Variants in IFT122 observed in about 807,000 individuals in gnomAD.
IFT122 encodes the protein intraflagellar transport protein 122 homolog.
Under a neutral mutation model 161.6 loss-of-function variants are expected in IFT122, and 118 were observed. The observed-to-expected ratio is 0.73, with a 90% CI of 0.63 to 0.85. IFT122 has a LOEUF of 0.85. IFT122 is among the 40% of genes least tolerant of loss of function. IFT122 has a pLI of 0.00. For synonymous variants in IFT122, 550 were observed against 602.4 expected (o/e 0.91, Z 1.27); for missense variants, 1,381 against 1,579.6 (o/e 0.87, Z 2.13).
At chr3:129,447,071 T>A (rs963316779) in intron 1 of IFT122, among the ~76,000 whole-genome samples, 5 of 152,222 alleles carry the variant, frequency 3.3e-5, no homozygotes, top group Non-Finnish European at 7.3e-5. Context: ...TCTAGCAACA[T>A]CTTGCACATA....
rs1454598531 is a variant in IFT122 at position 129,490,196 on chromosome 3, G to A, written c.1992+1799G>A. Among the ~76,000 whole-genome samples, 9 of 152,226 alleles carry A rather than the reference G, an allele frequency of 5.9e-5. No individual in the cohort carries two copies. In the South Asian group the frequency reaches 1.2e-3, roughly 21 times the overall value. ...TATAGTTGAAAAGTAAGTGTATGTG[G>A]TATATATCTATTGTGTACAACATGC... On this transcript the variant is annotated intron_variant, in intron 16 of 29. Coordinates refer to ENST00000348417, the MANE Select transcript of IFT122 (RefSeq NM_052989.3).
chr3:129,467,037 A>C lies in IFT122; in HGVS notation c.711A>C (p.Glu237Asp). 2 of 1,614,122 alleles carry C rather than the reference A, an allele frequency of 1.2e-6. No homozygotes were observed. The highest frequency in any genetic ancestry group is 1.7e-6 in the Non-Finnish European group (2 of 1,180,020). Residue 237 changes from glutamate to aspartate, a missense_variant, in exon 8 of 30, where the codon GAA becomes GAC. This residue lies in a region of IFT122 where 544 missense variants were observed against 648.0 expected (regional missense o/e 0.84). Transcript: ENST00000348417. ...GSEAEEEEPEEEDDSPRDDNL... is the reference protein window; with the variant it reads ...GSEAEEEEPEDEDDSPRDDNL... ...AGGCAGAGGAGGAAGAACCAGAGGA[A>C]GAGGACGACAGTCCCAGGGACGACA...
chr3:129,452,845 G>T (rs1218886532), intron 3 of IFT122, among the ~76,000 whole-genome samples: 2 of 119,340 alleles, frequency 1.7e-5, no homozygotes, highest in Non-Finnish European at 4.4e-5. Context: ...CATCCAGACA[G>T]GGGGTGATGG....
Position 129,450,612 on chromosome 3 carries a change from AATCCAAACTCTAT to A in IFT122, c.108+676_108+688del, listed in dbSNP as rs375190200. 4.1e-3 allele frequency among the ~76,000 whole-genome samples: 624 copies of A among 152,286 alleles called. 5 individuals carry two copies. Among genetic ancestry groups the A allele is most frequent in the African/African-American group, 0.015 (607 of 41,562 alleles). On this transcript the variant is annotated intron_variant, in intron 2 of 29. Coordinates refer to ENST00000348417, the MANE Select transcript of IFT122 (RefSeq NM_052989.3). ...CTGCAGACTTCTCTCCAGTGTAAACAATCCAAACTCTATTAGTTTTTCTACATAGGTTATCTTT... is the reference window on the plus strand; with the variant it reads ...CTGCAGACTTCTCTCCAGTGTAAACATAGTTTTTCTACATAGGTTATCTTT...
intron 24 of IFT122, 150 bp from the exon 25 acceptor site, chr3:129,514,239 C>G: frequency 1.2e-6 from 1 of 838,478 alleles, no homozygotes; most frequent in Non-Finnish European, 2.0e-6. Context: ...TCACCTCTCA[C>G]AAGCGCACAG....
chr3:129,450,077 G>C, intron 2 of IFT122, 140 bp downstream of exon 2: 1 of 683,856 alleles, frequency 1.5e-6, no homozygotes, highest in Non-Finnish European at 2.7e-6. Context: ...TTTTTAATAG[G>C]GATGGAAATG....
At chr3:129,465,431 C>T (rs2076635040) in intron 7 of IFT122, among the ~76,000 whole-genome samples, 1 of 150,732 alleles carries the variant, frequency 6.6e-6, no homozygotes, top group South Asian at 2.1e-4. Flanking sequence ...CTTTCTATGT[C>T]CATGTGACTT....
chr3:129,519,197 C>G lies in IFT122; in HGVS notation c.3471+11C>G. 6.2e-7 allele frequency: 1 copy of G among 1,612,694 alleles called. No homozygotes were observed. Among genetic ancestry groups the G allele is most frequent in the South Asian group, 1.1e-5 (1 of 90,970 alleles). ...AAGCTGAGCTTTGAGGTGAGGGTGC[C>G]TCTCTGGGTGACCTGCAGGAGGGCA... On this transcript the variant is annotated intron_variant, in intron 28 of 29. Coordinates refer to ENST00000348417, the MANE Select transcript of IFT122 (RefSeq NM_052989.3).
chr3:129,500,770 G>T (rs1209814655), intron 19 of IFT122, among the ~76,000 whole-genome samples: 6 of 152,186 alleles, frequency 3.9e-5, no homozygotes, highest in African/African-American at 1.4e-4. Context: ...CATGGGCTGT[G>T]GGTTGGGGGA....
rs538635135 is a variant in IFT122, at chr3:129,514,452, C to T, written c.3051C>T (p.His1017=). 138 of 1,614,218 alleles carry T rather than the reference C, an allele frequency of 8.5e-5. No individual in the cohort carries two copies. In the South Asian group the frequency reaches 1.2e-3, roughly 13 times the overall value. The change falls in exon 25 of 30, where the codon CAC becomes CAT. Residue 1017 remains histidine, a synonymous_variant. Transcript: ENST00000348417. ...TCGGTGCCTACAGGCTGGCCCGGCA[C>T]GCCTATGACAAGCTGCGTGGCCTGT... ...KALGAYRLAR[H]AYDKLRGLYI...
chr3:129,491,167 C>T (rs947268270), intron 16 of IFT122, among the ~76,000 whole-genome samples: 1 of 152,202 alleles, frequency 6.6e-6, no homozygotes, highest in African/African-American at 2.4e-5. Context: ...ATTGTGGTCA[C>T]CTGCAAGGCA....
At position 129,465,631 on chromosome 3, in the gene IFT122, T is replaced by A. The variant is rs1227885927; in HGVS notation, c.563+850T>A. The stretch of plus-strand genomic sequence containing the variant: ...GATTACAGGTGCCTGCCACCACGCC[T>A]GGCTAATTTTTTTTTTTTTTTTGAG... On this transcript the variant is annotated intron_variant, in intron 7 of 29. Transcript: ENST00000348417. Among the ~76,000 whole-genome samples, 2 of 142,904 alleles carry A rather than the reference T, an allele frequency of 1.4e-5. 1 individual carries two copies. Among genetic ancestry groups the A allele is most frequent in the Middle Eastern group, 7.2e-3 (2 of 276 alleles). 93.8% of individuals were successfully genotyped at this position (142,904 alleles called of 152,430 possible).
At chr3:129,495,056 C>T (rs2108479334) in intron 17 of IFT122, among the ~76,000 whole-genome samples, 1 of 152,308 alleles carries the variant, frequency 6.6e-6, no homozygotes, top group African/African-American at 2.4e-5. Context: ...CCTGCTCTGT[C>T]ATCCCCATGA....
Position 129,446,416 on chromosome 3 carries a change from C to T in IFT122, c.42-3455C>T, listed in dbSNP as rs1263280488. Among the ~76,000 whole-genome samples the T allele has an allele frequency of 6.7e-5, 10 of 150,372 alleles. No individual in the cohort carries two copies. In the East Asian group the frequency reaches 1.6e-3, roughly 23 times the overall value. On this transcript the variant is annotated intron_variant, in intron 1 of 29. Transcript: ENST00000348417. ...ATTTTTTGTAGAGACGGGGTTTCAC[C>T]GTGTTAGCCAGGATGGTCTCAGTCT...
At position 129,466,989 on chromosome 3, in the gene IFT122, A is replaced by G; in HGVS notation, c.663A>G (p.Ala221=). 1 of 1,614,206 alleles carries G rather than the reference A, an allele frequency of 6.2e-7. No individual in the cohort carries two copies. The highest frequency in any genetic ancestry group is 8.5e-7 in the Non-Finnish European group (1 of 1,179,994). ...AAATCCCTTCCACTCTGAAGTCAGC[A>G]GTGTACAGTAGTCAGGGTAGTGAGG... ...IQEIPSTLKS[A]VYSSQGSEAE... Residue 221 remains alanine, a synonymous_variant, in exon 8 of 30, where the codon GCA becomes GCG. Coordinates refer to ENST00000348417, the MANE Select transcript of IFT122 (RefSeq NM_052989.3).
chr3:129,506,307 CT>C lies in IFT122; in HGVS notation c.2651-100del, dbSNP rs1221688593. 46 of 1,394,316 alleles carry C rather than the reference CT, an allele frequency of 3.3e-5. No individual in the cohort carries two copies. The South Asian group carries it at 5.3e-4, about 16-fold the overall frequency. The allele number at this position is 1,394,316 out of a possible 1,614,324, so 86.4% of individuals were successfully genotyped here. ...TGCAGATGCTCCAATGAGTGTCCTACTTCCAAAGCAGCCCTGTGCAAGCCCC... is the reference window on the plus strand; with the variant it reads ...TGCAGATGCTCCAATGAGTGTCCTACTCCAAAGCAGCCCTGTGCAAGCCCC... On this transcript the variant is annotated intron_variant, in intron 21 of 29. Transcript: ENST00000348417.
At chr3:129,473,775 GAGGGCTGCCCTC>G (rs1465699141) in intron 9 of IFT122, among the ~76,000 whole-genome samples, 5 of 152,258 alleles carry the variant, frequency 3.3e-5, no homozygotes, top group African/African-American at 4.8e-5. Context: ...TGATGGTGAA[GAGGGCTGCCCTC>G]AGGCAAAAAC....
chr3:129,516,298 A>ACACACACACAGACTGCCCCTG (rs2083572643), intron 26 of IFT122, among the ~76,000 whole-genome samples: 2 of 137,188 alleles, frequency 1.5e-5, no homozygotes, highest in Admixed American at 7.0e-5. Context: ...ACACACACAC[A>ACACACACACAGACTGCCCCTG]CACACACACA....
Position 129,512,083 on chromosome 3 carries a change from G to A in IFT122, c.2887-229G>A, listed in dbSNP as rs3774782. On this transcript the variant is annotated intron_variant, in intron 23 of 29. Coordinates refer to ENST00000348417, the MANE Select transcript of IFT122 (RefSeq NM_052989.3). ...TGGGCAAATCATCTATCTAGGTGTC[G>A]GTTTCCTCATCAGTACTGTGAGGAT... 4.6e-5 allele frequency among the ~76,000 whole-genome samples: 7 copies of A among 152,178 alleles called. No individual in the cohort carries two copies. The East Asian group carries it at 9.6e-4, about 21-fold the overall frequency.
Sources: gnomAD v4.1 joint callset for allele counts (sites outside exome capture counted in the v4.1 genomes callset) on GRCh38, gnomAD v4.1.1 for gene constraint, gnomAD v4.1.1 regional missense constraint, MANE v1.5 for transcripts, NCBI Gene and HGNC (gene_info 2026-07-23, HGNC 2026-07-21) for gene names.